HELZ: variants seen among roughly 807,000 people sequenced by gnomAD.
HELZ encodes the protein helicase with zinc finger, also known as ATP-dependent RNA helicase with zinc finger domain.
A neutral mutation model predicts 218.2 loss-of-function variants in HELZ; 23 were observed. The ratio of observed to expected loss-of-function variants is 0.11; its 90% CI spans 0.08 to 0.15. The LOEUF is 0.15. HELZ is among the 10% of genes least tolerant of loss of function. The probability of loss-of-function intolerance (pLI) is 1.00; values close to 1 mark genes in which losing one functional copy is unlikely to be tolerated. For synonymous variants in HELZ, 814 were observed against 829.4 expected, an observed-to-expected ratio of 0.98 and a Z score of 0.32; for missense variants, 1,813 against 2,353.7, an observed-to-expected ratio of 0.77 and a Z score of 4.75.
At position 67,072,430 on chromosome 17, in the gene HELZ, G is replaced by A. The variant is rs980343290; in HGVS notation, c.*5822C>T. 1 of 152,658 alleles carries A rather than the reference G, an allele frequency of 6.6e-6. No individual in the cohort carries two copies. The highest frequency in any genetic ancestry group is 1.5e-5 in the Non-Finnish European group (1 of 68,048). 9.5% of individuals were successfully genotyped at this position (152,658 alleles called of 1,614,324 possible). A position where few individuals can be genotyped will look rare whatever the true frequency, so the allele number is the denominator to read the frequency against. On this transcript the variant is annotated 3_prime_UTR_variant, in exon 33 of 33. Transcript: ENST00000358691. The stretch of plus-strand genomic sequence containing the variant: ...CTGCCATCTTAGGACAGGGACTCCT[G>A]CACTTAGTGCCTCGATACATGCTAG...
chr17:67,164,353 C>T (rs1361956251), intron 15 of HELZ, among the ~76,000 whole-genome samples: 1 of 152,138 alleles, frequency 6.6e-6, no homozygotes, highest in Non-Finnish European at 1.5e-5. Context: ...AGCATATGAG[C>T]TGGACTCAAT....
Position 67,107,534 on chromosome 17 carries a change from C to T in HELZ, c.4876G>A (p.Asp1626Asn), listed in dbSNP as rs1349737021. Residue 1626 changes from aspartate (D) to asparagine (N), a missense_variant, in exon 31 of 33, where the codon GAC (aspartate) becomes AAC (asparagine). Physicochemically the swap from Asp to Asn is conservative, Grantham distance 23. Transcript: ENST00000358691. ...PAVPSPPSST[D>N]HSSHFSNFND... The stretch of plus-strand genomic sequence containing the variant: ...AAGTTAGAAAAGTGGCTACTGTGGT[C>T]TGTACTGGATGGGGGAGATGGGACT... 3.7e-6 allele frequency: 6 copies of T among 1,613,996 alleles called. No homozygotes were observed. In the Admixed American group the frequency reaches 1.0e-4, roughly 27 times the overall value.
chr17:67,229,607 A>C (rs551610645), intron 3 of HELZ, among the ~76,000 whole-genome samples: 4 of 152,324 alleles, frequency 2.6e-5, no homozygotes, highest in African/African-American at 9.6e-5. Flanking sequence ...ATAAATAATT[A>C]AATTTCCCAA....
At position 67,070,959 on chromosome 17, in the gene HELZ, G is replaced by C. The variant is rs911651187; in HGVS notation, c.*7293C>G. Reference sequence around the variant, plus strand: ...CTATGAAGTTAGCTGAACAAGTTTAGATAAGAACTATATGTATGAAGCATT... The same window carrying C: ...CTATGAAGTTAGCTGAACAAGTTTACATAAGAACTATATGTATGAAGCATT... On this transcript the variant is annotated 3_prime_UTR_variant, in exon 33 of 33. Transcript: ENST00000358691. The C allele has an allele frequency of 3.3e-5, 5 of 152,068 alleles. No homozygotes were observed. The highest frequency in any genetic ancestry group is 7.4e-5 in the Non-Finnish European group (5 of 67,994). 9.4% of individuals were successfully genotyped at this position (152,068 alleles called of 1,614,324 possible). A position where few individuals can be genotyped will look rare whatever the true frequency, so the allele number is the denominator to read the frequency against.
At chr17:67,199,345 T>C (rs2040111554) in intron 7 of HELZ, among the ~76,000 whole-genome samples, 1 of 151,880 alleles carries the variant, frequency 6.6e-6, no homozygotes, top group East Asian at 1.9e-4. Flanking sequence ...CCTGAGTAGC[T>C]GGGATTACAG....
At chr17:67,233,850 T>G (rs1297967025) in intron 3 of HELZ, among the ~76,000 whole-genome samples, 1 of 151,838 alleles carries the variant, frequency 6.6e-6, no homozygotes, top group African/African-American at 2.4e-5. Context: ...ACTCAAGTTC[T>G]GTATACATAG....
chr17:67,094,787 T>C (rs2143648254), intron 31 of HELZ, among the ~76,000 whole-genome samples: 1 of 152,282 alleles, frequency 6.6e-6, no homozygotes, highest in Non-Finnish European at 1.5e-5. Context: ...TGCAACATAG[T>C]GAGACACTCT....
chr17:67,091,977 A>C (rs901282521), intron 31 of HELZ, among the ~76,000 whole-genome samples: 36 of 152,200 alleles, frequency 2.4e-4, no homozygotes, highest in Non-Finnish European at 4.0e-4. Flanking sequence ...AACTAGATGG[A>C]GCAAGGAGAG....
intron 3 of HELZ, 119 bp downstream of exon 3, chr17:67,239,314 G>C (rs1381772889): frequency 1.3e-5 from 2 of 152,202 alleles, no homozygotes; most frequent in African/African-American, 4.8e-5. Flanking sequence ...GTTAGGATCT[G>C]TGCCTTCAGG....
chr17:67,140,518 T>C (rs1306102808), intron 21 of HELZ, among the ~76,000 whole-genome samples: 3 of 152,098 alleles, frequency 2.0e-5, no homozygotes, highest in South Asian at 2.1e-4. Context: ...TGAAGATACA[T>C]AGCGGTTATG....
chr17:67,151,996 T>C lies in HELZ; in HGVS notation c.2178-772A>G, dbSNP rs929038280. On this transcript the variant is annotated intron_variant, in intron 17 of 32. Transcript: ENST00000358691. ...TTGTGAGCAATCCTTGGGTTTACTC[T>C]GAGTTTGATGAAAAGCCAACAGAGA... 4.5e-4 allele frequency among the ~76,000 whole-genome samples: 68 copies of C among 152,310 alleles called. 1 individual carries two copies. Among genetic ancestry groups the C allele is most frequent in the Admixed American group, 4.4e-3 (67 of 15,300 alleles).
intron 24 of HELZ, among the ~76,000 whole-genome samples, chr17:67,126,390 A>T (rs866861788): frequency 5.3e-5 from 8 of 152,206 alleles, no homozygotes; most frequent in African/African-American, 1.9e-4. Context: ...GAGTAAAAAG[A>T]TAGTGGCATG....
intron 2 of HELZ, among the ~76,000 whole-genome samples, chr17:67,242,138 A>T (rs1458798288): frequency 1.3e-5 from 2 of 152,206 alleles, no homozygotes; most frequent in African/African-American, 4.8e-5. Context: ...AGATAAGGCC[A>T]GGCATGGTGG....
At position 67,109,391 on chromosome 17, in the gene HELZ, T is replaced by C. The variant is rs1215855316; in HGVS notation, c.4214A>G (p.Gln1405Arg). 6.2e-7 allele frequency: 1 copy of C among 1,614,214 alleles called. No homozygotes were observed. ...CTGAGGCTGCTGATTCAACTGACTT[T>C]GCTGCTGGACTACCTGATTTGGCTG... is the stretch of plus-strand genomic sequence containing the variant. ...PPQPNQVVQQ[Q>R]SQLNQQPQQP... The change falls in exon 29 of 33, where the codon CAA (glutamine) becomes CGA (arginine). Residue 1405 changes from glutamine to arginine, a missense_variant. Gln to Arg is a conservative substitution (Grantham distance 43). This residue lies in a region of HELZ where 938 missense variants were observed against 1,027.5 expected (regional missense o/e 0.91). Coordinates refer to ENST00000358691, the MANE Select transcript of HELZ (RefSeq NM_014877.4).
intron 2 of HELZ, among the ~76,000 whole-genome samples, chr17:67,240,135 T>A (rs1450432039): frequency 3.3e-5 from 5 of 152,370 alleles, no homozygotes; most frequent in Admixed American, 1.3e-4. Context: ...TTTTCATGTT[T>A]CACAATTCAA....
At chr17:67,187,240 A>G (rs2039780088) in intron 12 of HELZ, among the ~76,000 whole-genome samples, 1 of 152,238 alleles carries the variant, frequency 6.6e-6, no homozygotes, top group African/African-American at 2.4e-5. Flanking sequence ...AAGATGACAA[A>G]AATACATACT....
chr17:67,138,346 A>T (rs2143956161), intron 21 of HELZ, among the ~76,000 whole-genome samples: 1 of 152,314 alleles, frequency 6.6e-6, no homozygotes, highest in East Asian at 1.9e-4. Context: ...CAACCAGTGA[A>T]AACATGAAAA....
rs576329350 is a variant in HELZ at position 67,115,246 on chromosome 17, A to C, written c.3839-843T>G. On this transcript the variant is annotated intron_variant, in intron 27 of 32. Coordinates refer to ENST00000358691, the MANE Select transcript of HELZ (RefSeq NM_014877.4). ...GGCAAATTTGAAGGCACAGAAATAG[A>C]AACTACCCAAAATGAAACATGAAGA... 2.0e-5 allele frequency among the ~76,000 whole-genome samples: 3 copies of C among 152,214 alleles called. No homozygotes were observed. The South Asian group carries it at 6.2e-4, about 32-fold the overall frequency.
intron 2 of HELZ, among the ~76,000 whole-genome samples, chr17:67,241,406 A>G (rs1283449074): frequency 2.0e-5 from 3 of 152,226 alleles, no homozygotes; most frequent in African/African-American, 7.2e-5. Flanking sequence ...ACTAATCTAC[A>G]TTCAATATTA....
Sources: allele counts gnomAD v4.1 joint callset (sites outside exome capture counted in the v4.1 genomes callset), GRCh38; gene constraint gnomAD v4.1.1; regional missense constraint gnomAD v4.1.1; transcripts MANE v1.5; gene names NCBI Gene and HGNC (gene_info 2026-07-23, HGNC 2026-07-21).